Variants in MYO16 observed in about 807,000 individuals in gnomAD.
MYO16 encodes myosin XVI.
MYO16 carries 94 observed loss-of-function variants against 205.3 expected under a neutral mutation model. The ratio of observed to expected loss-of-function variants is 0.46; its 90% CI spans 0.39 to 0.54. MYO16 has a LOEUF of 0.54. Among genes scored for constraint, MYO16 ranks in the 20% least tolerant of loss-of-function variants. The probability of loss-of-function intolerance (pLI) is 0.00; values close to 1 mark genes in which losing one functional copy is unlikely to be tolerated. For missense variants in MYO16, 2,315 were observed against 2,387.5 expected (o/e 0.97, Z 0.63); for synonymous variants, 988 against 954.0 (o/e 1.04, Z -0.66).
At chr13:108,819,004 G>A (rs1192661765) in intron 7 of MYO16, among the ~76,000 whole-genome samples, 1 of 152,148 alleles carries the variant, frequency 6.6e-6, no homozygotes, top group East Asian at 1.9e-4. Context: ...GCCTTGTTAG[G>A]AGTAGGAGTG....
chr13:108,667,049 G>A (rs1057147071), intron 2 of MYO16, among the ~76,000 whole-genome samples: 11 of 152,096 alleles, frequency 7.2e-5, no homozygotes, highest in East Asian at 1.9e-4. Context: ...AAAAAGCTCC[G>A]AAGCCGTTAT....
intron 1 of MYO16, among the ~76,000 whole-genome samples, chr13:108,660,215 G>T (rs1315358232): frequency 6.6e-6 from 1 of 152,164 alleles, no homozygotes; most frequent in East Asian, 1.9e-4. Context: ...GGGGACATTT[G>T]CCTTGTTAAA....
At chr13:108,774,856 G>GT in intron 4 of MYO16, among the ~76,000 whole-genome samples, 1 of 152,214 alleles carries the variant, frequency 6.6e-6, no homozygotes, top group Non-Finnish European at 1.5e-5. Flanking sequence ...AAGTATATAT[G>GT]TTTTTCATTT....
At chr13:108,698,338 T>C (rs1302540554) in intron 2 of MYO16, among the ~76,000 whole-genome samples, 1 of 152,200 alleles carries the variant, frequency 6.6e-6, no homozygotes, top group East Asian at 1.9e-4. Flanking sequence ...TATTAGAGAA[T>C]AAATGAGATA....
chr13:108,797,029 A>G (rs1886816405), intron 6 of MYO16, among the ~76,000 whole-genome samples: 1 of 152,192 alleles, frequency 6.6e-6, no homozygotes, highest in Non-Finnish European at 1.5e-5. Context: ...CTAGGCAATC[A>G]GTAATGTGGC....
chr13:108,722,253 G>A (rs997883739), intron 3 of MYO16, among the ~76,000 whole-genome samples: 1 of 152,126 alleles, frequency 6.6e-6, no homozygotes, highest in Non-Finnish European at 1.5e-5. Context: ...GTGCCATAAA[G>A]TGTCACCAGA....
chr13:108,911,034 A>AACACACACACACACACACAC, intron 16 of MYO16, among the ~76,000 whole-genome samples: 1 of 138,552 alleles, frequency 7.2e-6, no homozygotes, highest in African/African-American at 2.7e-5. Context: ...TATAGGAGAA[A>AACACACACACACACACACAC]ACACACACAC....
chr13:109,041,560 G>A (rs1340670857), intron 23 of MYO16, among the ~76,000 whole-genome samples: 1 of 152,154 alleles, frequency 6.6e-6, no homozygotes, highest in Non-Finnish European at 1.5e-5. Context: ...CTGATTTTGG[G>A]GAAGTGAAAT....
At chr13:109,028,973 T>A (rs1411217024) in intron 23 of MYO16, among the ~76,000 whole-genome samples, 1 of 152,060 alleles carries the variant, frequency 6.6e-6, no homozygotes, top group East Asian at 1.9e-4. Flanking sequence ...GTTTGAAATG[T>A]TCCTATTGTT....
At chr13:108,983,655 A>G (rs889398616) in intron 20 of MYO16, among the ~76,000 whole-genome samples, 1 of 152,190 alleles carries the variant, frequency 6.6e-6, no homozygotes, top group African/African-American at 2.4e-5. Flanking sequence ...AAGCAATTCA[A>G]TGTTAATAAA....
intron 7 of MYO16, among the ~76,000 whole-genome samples, chr13:108,811,794 A>G (rs564006616): frequency 6.6e-6 from 1 of 152,174 alleles, no homozygotes; most frequent in Non-Finnish European, 1.5e-5. Flanking sequence ...TAGCATCTCT[A>G]CATCTGGGTT....
At chr13:108,911,066 C>CACACACACAG (rs59417999) in intron 16 of MYO16, among the ~76,000 whole-genome samples, 11,742 of 142,668 alleles carry the variant, frequency 0.082, 582 homozygotes, top group Non-Finnish European at 0.11. Context: ...CACACACACA[C>CACACACACAG]AGAGAGAGAG....
chr13:108,576,192 G>A, the MYO16 span, among the ~76,000 whole-genome samples: 1 of 152,234 alleles, frequency 6.6e-6, no homozygotes, highest in African/African-American at 2.4e-5. Context: ...GGTGGCAGAT[G>A]TAGCACTAGA....
chr13:108,652,174 C>T (rs182986123), intron 1 of MYO16, among the ~76,000 whole-genome samples: 15,797 of 151,424 alleles, frequency 0.1, 1,188 homozygotes, highest in South Asian at 0.25. Flanking sequence ...CGCATGTGTG[C>T]GCGTGTGTGT....
At chr13:108,633,624 T>C (rs7317754) in intron 1 of MYO16, among the ~76,000 whole-genome samples, 48,658 of 152,082 alleles carry the variant, frequency 0.32, 7,784 homozygotes, top group South Asian at 0.44. Context: ...ACATCACCCT[T>C]GCAGACACAC....
At chr13:108,970,560 C>T (rs902293236) in intron 20 of MYO16, among the ~76,000 whole-genome samples, 3 of 152,140 alleles carry the variant, frequency 2.0e-5, no homozygotes, top group Non-Finnish European at 4.4e-5. Context: ...TCCTGGGCTG[C>T]CGCACCCCAG....
intron 1 of MYO16, among the ~76,000 whole-genome samples, chr13:108,610,491 G>C (rs1879131961): frequency 6.6e-6 from 1 of 152,098 alleles, no homozygotes; most frequent in African/African-American, 2.4e-5. Flanking sequence ...GGTTCATCTG[G>C]AGAAATAGAA....
Position 108,899,845 on chromosome 13 carries a change from C to T in MYO16, c.1777+1712C>T, listed in dbSNP as rs147878915. On this transcript the variant is annotated intron_variant, in intron 15 of 34. Coordinates refer to ENST00000457511, the MANE Select transcript of MYO16 (RefSeq NM_001198950.3). ...ATGTGTGGCCCAAGGATGAGCACTG[C>T]GTCATCACTTGGGAGTTTGTTATAG... is the stretch of plus-strand genomic sequence containing the variant. Among the ~76,000 whole-genome samples the T allele has an allele frequency of 3.3e-4, 51 of 152,290 alleles. 2 individuals are homozygous for T. In the South Asian group the frequency reaches 4.1e-3, roughly 12 times the overall value.
At chr13:108,944,268 C>G (rs990837225) in intron 16 of MYO16, among the ~76,000 whole-genome samples, 1 of 152,104 alleles carries the variant, frequency 6.6e-6, no homozygotes, top group Non-Finnish European at 1.5e-5. Flanking sequence ...CTTTTAATTA[C>G]TTTTGTACCA....
Sources: gnomAD v4.1 joint callset for allele counts (sites outside exome capture counted in the v4.1 genomes callset) on GRCh38, gnomAD v4.1.1 for gene constraint, MANE v1.5 for transcripts, NCBI Gene and HGNC (gene_info 2026-07-23, HGNC 2026-07-21) for gene names.